The following DNM3 variants were observed in gnomAD, a reference collection of about 807,000 sequenced individuals.
The protein encoded by DNM3 is dynamin-3.
In DNM3, 47 loss-of-function variants were observed where a neutral mutation model predicts 101.6. The observed-to-expected ratio is 0.46, with a 90% CI of 0.37 to 0.59. The LOEUF is 0.59. Among genes scored for constraint, DNM3 ranks in the 20% least tolerant of loss-of-function variants. The pLI is 0.00. For synonymous variants in DNM3, 385 were observed against 387.9 expected, an observed-to-expected ratio of 0.99 and a Z score of 0.09; for missense variants, 849 against 1,085.7, an observed-to-expected ratio of 0.78 and a Z score of 3.06.
At chr1:172,052,789 C>T (rs2050299130) in intron 10 of DNM3, among the ~76,000 whole-genome samples, 1 of 152,262 alleles carries the variant, frequency 6.6e-6, no homozygotes, top group African/African-American at 2.4e-5. Flanking sequence ...TTATTCTCTT[C>T]TTACTATATT....
intron 13 of DNM3, among the ~76,000 whole-genome samples, chr1:172,121,038 C>T (rs1433417496): frequency 2.0e-5 from 3 of 152,064 alleles, no homozygotes; most frequent in African/African-American, 7.3e-5. Context: ...TTTATTCAGG[C>T]CTTGATAATT....
chr1:172,144,735 T>G (rs1180295334), intron 14 of DNM3: 2 of 403,578 alleles, frequency 5.0e-6, no homozygotes, highest in African/African-American at 2.1e-5. Flanking sequence ...TGAATTCTGC[T>G]GCGCTGACTG....
chr1:172,164,325 G>T lies in DNM3; in HGVS notation c.1659+33037G>T, dbSNP rs1219796646. Among the ~76,000 whole-genome samples the T allele has an allele frequency of 2.0e-5, 3 of 149,474 alleles. No individual in the cohort carries two copies. In the South Asian group the frequency reaches 6.3e-4, roughly 31 times the overall value. ...TGTTAAGGTCTGTGTTCAGGTTAGG[G>T]TGCTATTACTTAGTATTACAGCCAG... is the stretch of plus-strand genomic sequence containing the variant. On this transcript the variant is annotated intron_variant, in intron 14 of 20. Coordinates refer to ENST00000627582, the MANE Select transcript of DNM3 (RefSeq NM_015569.5).
At chr1:172,295,997 A>G (rs1226179276) in intron 15 of DNM3, among the ~76,000 whole-genome samples, 1 of 150,930 alleles carries the variant, frequency 6.6e-6, no homozygotes, top group Non-Finnish European at 1.5e-5. Flanking sequence ...TCATTTCTAT[A>G]AACATACTAA....
chr1:172,239,798 C>CTTTTTTTTTTTTTTTTTTTTTT lies in DNM3; in HGVS notation c.1660-13774_1660-13773insTTTTTTTTTTTTTTTTTTTTTT, dbSNP rs369238528. Among the ~76,000 whole-genome samples, 6 of 106,868 alleles carry CTTTTTTTTTTTTTTTTTTTTTT rather than the reference C, an allele frequency of 5.6e-5. 1 individual carries two copies. Among genetic ancestry groups the CTTTTTTTTTTTTTTTTTTTTTT allele is most frequent in the Non-Finnish European group, 8.8e-5 (5 of 56,574 alleles). 70.1% of individuals were successfully genotyped at this position (106,868 alleles called of 152,430 possible). ...TTTCTCCAGCCCTGTCTTTTTTTTT[C>CTTTTTTTTTTTTTTTTTTTTTT]TCTTTTTTTTTTTTTTTTTTTTGTA... On this transcript the variant is annotated intron_variant, in intron 14 of 20. Transcript: ENST00000627582.
At chr1:172,166,173 C>A (rs1283691169) in intron 14 of DNM3, among the ~76,000 whole-genome samples, 1 of 151,948 alleles carries the variant, frequency 6.6e-6, no homozygotes, top group Non-Finnish European at 1.5e-5. Flanking sequence ...TCATTATATC[C>A]CCTGAACTCA....
chr1:172,369,593 A>G (rs1360044066), intron 17 of DNM3, among the ~76,000 whole-genome samples: 1 of 152,000 alleles, frequency 6.6e-6, no homozygotes, highest in African/African-American at 2.4e-5. Context: ...ACTCTTATTT[A>G]ACATAGTACT....
At chr1:172,320,140 C>G (rs1269528672) in intron 16 of DNM3, among the ~76,000 whole-genome samples, 5 of 150,090 alleles carry the variant, frequency 3.3e-5, no homozygotes, top group Non-Finnish European at 7.4e-5. Flanking sequence ...GGACAAAAAC[C>G]GAAACACCAC....
At chr1:172,215,126 T>C (rs1407075125) in intron 14 of DNM3, among the ~76,000 whole-genome samples, 1 of 152,150 alleles carries the variant, frequency 6.6e-6, no homozygotes, top group Non-Finnish European at 1.5e-5. Flanking sequence ...AACATTTTAG[T>C]ATTGGTTCTG....
Position 172,412,441 on chromosome 1 carries a change from T to G in DNM3, c.*4600T>G, listed in dbSNP as rs1024275340. ...TTGCTTGTCTATTTTTACTTTCCCT[T>G]TTTTGGGTCAAATTTTTCTTTTGCT... On this transcript the variant is annotated 3_prime_UTR_variant, in exon 21 of 21. Coordinates refer to ENST00000627582, the MANE Select transcript of DNM3 (RefSeq NM_015569.5). 6 of 985,692 alleles carry G rather than the reference T, an allele frequency of 6.1e-6. No individual in the cohort carries two copies. Among genetic ancestry groups the G allele is most frequent in the South Asian group, 9.4e-5 (2 of 21,292 alleles). The allele number at this position is 985,692 out of a possible 1,614,324, so 61.1% of individuals were successfully genotyped here.
intron 14 of DNM3, among the ~76,000 whole-genome samples, chr1:172,152,818 G>C (rs2058188163): frequency 6.6e-6 from 1 of 152,058 alleles, no homozygotes; most frequent in East Asian, 1.9e-4. Flanking sequence ...GTTTAGAAGG[G>C]CCATGTTAAA....
intron 14 of DNM3, among the ~76,000 whole-genome samples, chr1:172,163,518 G>A (rs985856777): frequency 4.6e-5 from 7 of 152,076 alleles, no homozygotes; most frequent in East Asian, 3.9e-4. Context: ...GATTACAGGC[G>A]TGAGCCACTG....
At position 172,269,550 on chromosome 1, in the gene DNM3, A is replaced by G. The variant is rs1041701946; in HGVS notation, c.1769+15868A>G. ...ACTGATAGATCACTATTCTACCTTAAAAGAGATTGATACAAATGATTGCTA... is the reference window on the plus strand; with the variant it reads ...ACTGATAGATCACTATTCTACCTTAGAAGAGATTGATACAAATGATTGCTA... On this transcript the variant is annotated intron_variant, in intron 15 of 20. Coordinates refer to ENST00000627582, the MANE Select transcript of DNM3 (RefSeq NM_015569.5). Among the ~76,000 whole-genome samples, 4 of 152,180 alleles carry G rather than the reference A, an allele frequency of 2.6e-5. No homozygotes were observed. In the South Asian group the frequency reaches 8.3e-4, roughly 31 times the overall value.
chr1:171,904,828 G>A (rs2038677699), intron 1 of DNM3, among the ~76,000 whole-genome samples: 1 of 152,136 alleles, frequency 6.6e-6, no homozygotes, highest in Non-Finnish European at 1.5e-5. Context: ...GGCTGAGGGA[G>A]GGTGGCATGG....
chr1:172,358,874 C>T (rs1009238353), intron 17 of DNM3, among the ~76,000 whole-genome samples: 6 of 137,000 alleles, frequency 4.4e-5, no homozygotes, highest in African/African-American at 1.6e-4. Flanking sequence ...CTTCCTGATT[C>T]TAACACACTG....
chr1:172,140,067 AAAAC>A (rs1243185100), intron 14 of DNM3: 7 of 152,232 alleles, frequency 4.6e-5, no homozygotes, highest in South Asian at 2.1e-4. Context: ...AACTTTAAGA[AAAAC>A]AAACAGTTTG....
chr1:172,200,927 A>G (rs1010785385), intron 14 of DNM3, among the ~76,000 whole-genome samples: 7 of 152,082 alleles, frequency 4.6e-5, no homozygotes, highest in African/African-American at 1.7e-4. Flanking sequence ...CATTTGGAGG[A>G]CATATGGCAC....
At chr1:172,327,971 G>T (rs550342558) in intron 17 of DNM3, among the ~76,000 whole-genome samples, 4 of 152,242 alleles carry the variant, frequency 2.6e-5, no homozygotes, top group African/African-American at 9.6e-5. Flanking sequence ...ATAGTAAACT[G>T]TTGGGAGAAG....
In DNM3 at chr1:172,410,757, T is replaced by A; in HGVS notation, c.*2916T>A. ...CTCACTTTATTCTAAAGTATATTAATGAAACCAGTTCCTGTGATGTAACTG... is the reference window on the plus strand; with the variant it reads ...CTCACTTTATTCTAAAGTATATTAAAGAAACCAGTTCCTGTGATGTAACTG... On this transcript the variant is annotated 3_prime_UTR_variant, in exon 21 of 21. Transcript: ENST00000627582. 1.0e-6 allele frequency: 1 copy of A among 985,326 alleles called. No homozygotes were observed. Among genetic ancestry groups the A allele is most frequent in the Non-Finnish European group, 1.2e-6 (1 of 829,846 alleles). The allele number at this position is 985,326 out of a possible 1,614,324, so 61.0% of individuals were successfully genotyped here.
Sources: allele counts gnomAD v4.1 joint callset (sites outside exome capture counted in the v4.1 genomes callset), GRCh38; gene constraint gnomAD v4.1.1; transcripts MANE v1.5; gene names NCBI Gene and HGNC (gene_info 2026-07-23, HGNC 2026-07-21).